The following ADAP1 variants were observed in gnomAD, a reference collection of about 807,000 sequenced individuals.
ADAP1 encodes arf-GAP with dual PH domain-containing protein 1.
A neutral mutation model predicts 54.9 loss-of-function variants in ADAP1; 31 were observed. The ratio of observed to expected loss-of-function variants is 0.56; its 90% confidence interval spans 0.42 to 0.76. The LOEUF (loss-of-function observed/expected upper bound fraction) is 0.76, where lower values mean the gene tolerates loss of function less well. ADAP1 is among the 30% of genes least tolerant of loss of function. The probability of loss-of-function intolerance (pLI) is 0.00; values close to 1 mark genes in which losing one functional copy is unlikely to be tolerated. For missense variants in ADAP1, 535 were observed against 512.4 expected, an observed-to-expected ratio of 1.04 and a Z score of -0.42; for synonymous variants, 313 against 202.6, an observed-to-expected ratio of 1.55 and a Z score of -4.63.
At chr7:940,979 G>T (rs1208345889) in intron 1 of ADAP1, among the ~76,000 whole-genome samples, 1 of 152,102 alleles carries the variant, frequency 6.6e-6, no homozygotes, top group African/African-American at 2.4e-5. Flanking sequence ...TGATATAGAG[G>T]ATTCAACAGA....
rs368851636 is a variant in ADAP1 at position 907,988 on chromosome 7, C to G, written c.389-2816G>C. On this transcript the variant is annotated intron_variant, in intron 4 of 10. Coordinates refer to ENST00000265846, the MANE Select transcript of ADAP1 (RefSeq NM_006869.4). ...AGTGTCCGTGGGCCCTTCCCGGGGTCGTGGGGCCGTCTGCTGAGCATCCGT... is the reference window on the plus strand; with the variant it reads ...AGTGTCCGTGGGCCCTTCCCGGGGTGGTGGGGCCGTCTGCTGAGCATCCGT... Among the ~76,000 whole-genome samples the G allele has an allele frequency of 3.0e-3, 463 of 152,224 alleles. 2 individuals are homozygous for G. The highest frequency in any genetic ancestry group is 0.011 in the African/African-American group (448 of 41,542).
In ADAP1 at chr7:899,087, C is replaced by A. The variant is rs774777035; in HGVS notation, c.1042G>T (p.Val348Leu). 6.2e-7 allele frequency: 1 copy of A among 1,608,216 alleles called. No individual in the cohort carries two copies. The highest frequency in any genetic ancestry group is 1.1e-5 in the South Asian group (1 of 91,084). Residue 348 changes from valine to leucine, a missense_variant, in exon 10 of 11, where the codon GTG becomes TTG. Physicochemically the swap from Val to Leu is conservative, Grantham distance 32. Transcript: ENST00000265846. ...CETESDQREWVAAFQKAVDRP... is the reference protein window; with the variant it reads ...CETESDQREWLAAFQKAVDRP... ...TCCACCGCCTTCTGGAAGGCCGCCA[C>A]CCACTCCCTCTGGTCGGACTCCGTC...
chr7:904,928 C>T, intron 5 of ADAP1, 132 bp downstream of exon 5: 1 of 778,678 alleles, frequency 1.3e-6, no homozygotes, highest in Non-Finnish European at 2.1e-6. Context: ...GCCGGTTCTC[C>T]TGGAGCGTCC....
In ADAP1 at chr7:905,279, C is replaced by CACGGACAGGGGGAG. The variant is rs1286807679; in HGVS notation, c.389-108_389-107insCTCCCCCTGTCCGT. 660 of 342,370 alleles carry CACGGACAGGGGGAG rather than the reference C, an allele frequency of 1.9e-3. 33 individuals carry two copies. The highest frequency in any genetic ancestry group is 5.7e-3 in the African/African-American group (44 of 7,712). 21.2% of individuals were successfully genotyped at this position (342,370 alleles called of 1,614,324 possible). On this transcript the variant is annotated intron_variant, in intron 4 of 10. Transcript: ENST00000265846. ...GGACATGGGGAGAAGACACGGGGGA[C>CACGGACAGGGGGAG]ACGGACGGGGGACACGGACAGGGGG...
intron 4 of ADAP1, among the ~76,000 whole-genome samples, chr7:908,073 T>A (rs1412747892): frequency 1.3e-5 from 2 of 152,112 alleles, no homozygotes; most frequent in African/African-American, 2.4e-5. Flanking sequence ...CAGCATCCCA[T>A]CCTGCTGGCC....
At position 926,224 on chromosome 7, in the gene ADAP1, G is replaced by A. The variant is rs1293199968; in HGVS notation, c.305+329C>T. 1.3e-5 allele frequency among the ~76,000 whole-genome samples: 2 copies of A among 151,980 alleles called. No individual in the cohort carries two copies. Among genetic ancestry groups the A allele is most frequent in the East Asian group, 1.9e-4 (1 of 5,146 alleles). ...CCCCGAAACAACAGCCGCCCCTCCCGTTCCCCTCCCAGACCGCCAGGAGCA... is the reference window on the plus strand; with the variant it reads ...CCCCGAAACAACAGCCGCCCCTCCCATTCCCCTCCCAGACCGCCAGGAGCA... On this transcript the variant is annotated intron_variant, in intron 3 of 10. Transcript: ENST00000265846. The surrounding 1 kb of genome is among the most constrained non-coding windows in gnomAD (Gnocchi z 4.6).
rs1847342157 is a variant in ADAP1, at chr7:954,531, C to T, written c.-54G>A. ...CGGGGCCGGGGCCGGGAGCGTCAGC[C>T]CGGCTCGCTAGGGCCCCGCGCAGGC... On this transcript the variant is annotated 5_prime_UTR_variant, in exon 1 of 11. Transcript: ENST00000265846. The T allele has an allele frequency of 5.0e-6, 5 of 1,000,220 alleles. No individual in the cohort carries two copies. The highest frequency in any genetic ancestry group is 5.9e-6 in the Non-Finnish European group (5 of 841,788). 62.0% of individuals were successfully genotyped at this position (1,000,220 alleles called of 1,614,324 possible).
rs1449909433 is a variant in ADAP1 at position 920,856 on chromosome 7, G to C, written c.306-806C>G. The C allele has an allele frequency of 6.5e-7, 1 of 1,550,160 alleles. No individual in the cohort carries two copies. Among genetic ancestry groups the C allele is most frequent in the Non-Finnish European group, 8.7e-7 (1 of 1,146,886 alleles). ...CCGGCACGGCCCAGGTGCACAGGCA[G>C]CCGCCCCAGCCTTTTCCACTCCCAG... On this transcript the variant is annotated intron_variant, in intron 3 of 10. Transcript: ENST00000265846. The surrounding 1 kb of genome is among the most constrained non-coding windows in gnomAD (Gnocchi z 4.5).
chr7:901,578 C>T (rs1417609112), intron 6 of ADAP1, among the ~76,000 whole-genome samples: 1 of 152,182 alleles, frequency 6.6e-6, no homozygotes, highest in Non-Finnish European at 1.5e-5. Context: ...TAGCCCCAGG[C>T]TCCTCCCATA....
chr7:906,750 GGACAT>G (rs1845451391), intron 4 of ADAP1, among the ~76,000 whole-genome samples: 2 of 26,184 alleles, frequency 7.6e-5, no homozygotes, highest in African/African-American at 2.4e-4. Context: ...AGTACATAGG[GGACAT>G]GGACAGGGGA....
At chr7:916,070 G>A (rs150050347) in intron 4 of ADAP1, among the ~76,000 whole-genome samples, 144 of 152,324 alleles carry the variant, frequency 9.5e-4, no homozygotes, top group African/African-American at 3.3e-3. Context: ...AGGCGGGCAC[G>A]CCACCTAGGG....
intron 4 of ADAP1, among the ~76,000 whole-genome samples, chr7:906,506 A>G (rs1419556896): frequency 1.1e-3 from 2 of 1,774 alleles, no homozygotes; most frequent in Non-Finnish European, 1.0e-3. Flanking sequence ...GGAGAAAGGG[A>G]GAAAGGAGAA....
chr7:906,776 A>AT (rs57543647), intron 4 of ADAP1, among the ~76,000 whole-genome samples: 2,493 of 20,834 alleles, frequency 0.12, 203 homozygotes, highest in African/African-American at 0.24. Context: ...CATGGGGGAC[A>AT]GGGGACACGG....
At chr7:944,676 G>A (rs565821785) in intron 1 of ADAP1, among the ~76,000 whole-genome samples, 1 of 152,220 alleles carries the variant, frequency 6.6e-6, no homozygotes, top group South Asian at 2.1e-4. Context: ...CGGCAAACAC[G>A]GCACCCATCA....
rs201896255 is a variant in ADAP1 at position 906,676 on chromosome 7, GACA to G, written c.389-1507_389-1505del. Among the ~76,000 whole-genome samples, 30 of 90,230 alleles carry G rather than the reference GACA, an allele frequency of 3.3e-4. 1 individual carries two copies. The highest frequency in any genetic ancestry group is 4.4e-4 in the Admixed American group (4 of 9,004). 59.2% of individuals were successfully genotyped at this position (90,230 alleles called of 152,430 possible). ...GAAAGGGGGCGGGAAAGGGGACATG[GACA>G]GGGGACACGGGGGACATGGACATGG... On this transcript the variant is annotated intron_variant, in intron 4 of 10. Coordinates refer to ENST00000265846, the MANE Select transcript of ADAP1 (RefSeq NM_006869.4).
At chr7:940,887 A>G (rs1386064152) in intron 1 of ADAP1, among the ~76,000 whole-genome samples, 10 of 152,122 alleles carry the variant, frequency 6.6e-5, no homozygotes, top group Non-Finnish European at 1.3e-4. Context: ...AATTGTTTCA[A>G]TAGATGCAAA....
chr7:902,721 A>G (rs1844883303), intron 6 of ADAP1, among the ~76,000 whole-genome samples: 1 of 152,040 alleles, frequency 6.6e-6, no homozygotes, highest in Non-Finnish European at 1.5e-5. Context: ...CATGGAAACC[A>G]GTAACTGGAC....
chr7:900,077 C>T (rs1844713142), intron 8 of ADAP1, 25 bp downstream of exon 8: 2 of 1,612,662 alleles, frequency 1.2e-6, no homozygotes, highest in South Asian at 1.1e-5. Flanking sequence ...CAGGCCACCC[C>T]AGGCCGCACG....
chr7:947,511 G>A (rs960894974), intron 1 of ADAP1, among the ~76,000 whole-genome samples: 16 of 151,898 alleles, frequency 1.1e-4, no homozygotes, highest in African/African-American at 1.7e-4. Flanking sequence ...GGTCCCTCCC[G>A]TCTCCCTGGA....
Sources: allele counts gnomAD v4.1 joint callset (sites outside exome capture counted in the v4.1 genomes callset), GRCh38; gene constraint gnomAD v4.1.1; non-coding constraint Gnocchi (gnomAD v3.1); transcripts MANE v1.5; gene names NCBI Gene and HGNC (gene_info 2026-07-23, HGNC 2026-07-21).